Variants in ABCA13 observed in about 807,000 individuals in gnomAD.
ABCA13 encodes the protein ATP binding cassette subfamily A member 13.
Under a neutral mutation model 478.7 loss-of-function variants are expected in ABCA13, and 476 were observed. The ratio of observed to expected loss-of-function variants is 0.99; its 90% confidence interval spans 0.92 to 1.07. The LOEUF (loss-of-function observed/expected upper bound fraction) is 1.07, where lower values mean the gene tolerates loss of function less well. Among genes scored for constraint, ABCA13 ranks in the 50% least tolerant of loss-of-function variants. The pLI is 0.00. For missense variants in ABCA13, 6,060 were observed against 5,910.6 expected (o/e 1.03, Z -0.83); for synonymous variants, 2,252 against 2,158.9 (o/e 1.04, Z -1.20).
intron 45 of ABCA13, among the ~76,000 whole-genome samples, chr7:48,479,117 T>A (rs1391768139): frequency 6.6e-6 from 1 of 151,400 alleles, no homozygotes. Context: ...CCGGCTAATT[T>A]TTTTTTGTAT....
At chr7:48,546,030 A>G (rs1360398904) in intron 55 of ABCA13, among the ~76,000 whole-genome samples, 1 of 151,804 alleles carries the variant, frequency 6.6e-6, no homozygotes, top group Non-Finnish European at 1.5e-5. Context: ...TATTGAATAT[A>G]ATAAATGAGA....
intron 48 of ABCA13, among the ~76,000 whole-genome samples, chr7:48,502,597 C>T (rs902949890): frequency 1.3e-5 from 2 of 152,128 alleles, no homozygotes; most frequent in South Asian, 2.1e-4. Flanking sequence ...AAACCAGACA[C>T]GTGTGCTGAA....
chr7:48,241,737 C>G (rs1357379934), intron 10 of ABCA13, among the ~76,000 whole-genome samples: 1 of 152,210 alleles, frequency 6.6e-6, no homozygotes, highest in Admixed American at 6.5e-5. Context: ...AATTCTTGCT[C>G]TCTGTGTACC....
intron 59 of ABCA13, among the ~76,000 whole-genome samples, chr7:48,631,945 GT>G (rs891368862): frequency 1.3e-5 from 2 of 152,124 alleles, no homozygotes; most frequent in African/African-American, 4.8e-5. Context: ...AGGGAATTGA[GT>G]TCTTGATTTG....
intron 55 of ABCA13, among the ~76,000 whole-genome samples, chr7:48,534,824 A>G (rs1342661797): frequency 1.3e-5 from 2 of 152,048 alleles, no homozygotes; most frequent in African/African-American, 4.8e-5. Context: ...TGCGTGTTGC[A>G]TTTCTCTAAG....
chr7:48,440,694 G>C (rs576266237), intron 42 of ABCA13, among the ~76,000 whole-genome samples: 6 of 151,666 alleles, frequency 4.0e-5, no homozygotes, highest in African/African-American at 1.4e-4. Context: ...TTATGTTGAA[G>C]ATGTATTGCC....
At chr7:48,587,407 C>A in intron 57 of ABCA13, 119 bp downstream of exon 57, 2 of 1,169,522 alleles carry the variant, frequency 1.7e-6, no homozygotes, top group Non-Finnish European at 1.2e-6. Context: ...GTTCTACAAA[C>A]TAGTAAACTG....
chr7:48,357,939 C>T (rs966961855), intron 31 of ABCA13, among the ~76,000 whole-genome samples: 7 of 151,422 alleles, frequency 4.6e-5, no homozygotes, highest in South Asian at 2.1e-4. Flanking sequence ...GTCAGGAATT[C>T]GAGACCAGCC....
chr7:48,292,846 G>A (rs1401805472), intron 20 of ABCA13, among the ~76,000 whole-genome samples: 2 of 152,180 alleles, frequency 1.3e-5, no homozygotes, highest in African/African-American at 4.8e-5. Context: ...GAACCTCATG[G>A]AGGTAGGAGT....
intron 38 of ABCA13, among the ~76,000 whole-genome samples, chr7:48,397,913 G>T (rs75074602): frequency 1.8e-4 from 27 of 152,180 alleles, no homozygotes; most frequent in Admixed American, 9.2e-4. Context: ...TTTGTCCCCC[G>T]CTCAGCATTC....
chr7:48,445,846 T>C (rs1425919961), intron 42 of ABCA13, among the ~76,000 whole-genome samples: 1 of 152,170 alleles, frequency 6.6e-6, no homozygotes, highest in Non-Finnish European at 1.5e-5. Flanking sequence ...ATAGGTTTCT[T>C]GCCTGACTAA....
intron 48 of ABCA13, among the ~76,000 whole-genome samples, chr7:48,493,264 T>G (rs1830000218): frequency 6.6e-6 from 1 of 152,218 alleles, no homozygotes; most frequent in African/African-American, 2.4e-5. Flanking sequence ...TTAGGGTTAC[T>G]ATAGTACATT....
At chr7:48,280,538 A>G (rs1244998826) in intron 18 of ABCA13, among the ~76,000 whole-genome samples, 2 of 152,188 alleles carry the variant, frequency 1.3e-5, no homozygotes, top group East Asian at 3.9e-4. Flanking sequence ...CTTGATGTGC[A>G]GAGGCCCAGA....
intron 40 of ABCA13, 77 bp downstream of exon 40, chr7:48,410,754 A>C: frequency 6.5e-7 from 1 of 1,547,820 alleles, no homozygotes. Flanking sequence ...TGACAGTTAC[A>C]TAGTAATAAC....
At chr7:48,332,946 T>G (rs1805636799) in intron 27 of ABCA13, among the ~76,000 whole-genome samples, 1 of 152,230 alleles carries the variant, frequency 6.6e-6, no homozygotes, top group African/African-American at 2.4e-5. Flanking sequence ...ATTGAGTGTT[T>G]GCTAAGCTTC....
intron 4 of ABCA13, among the ~76,000 whole-genome samples, chr7:48,219,931 C>G (rs1047282317): frequency 4.5e-4 from 65 of 144,266 alleles, no homozygotes; most frequent in African/African-American, 1.6e-3. Flanking sequence ...CACACACACA[C>G]ACATTCCCAA....
At chr7:48,362,409 C>CTTTTTTTTTTTTTTTTTTTTTTCTTTTTT (rs35795708) in intron 31 of ABCA13, among the ~76,000 whole-genome samples, 1 of 86,010 alleles carries the variant, frequency 1.2e-5, no homozygotes. Flanking sequence ...TCCTCTTCTT[C>CTTTTTTTTTTTTTTTTTTTTTTCTTTTTT]TTTTTTTTTT....
chr7:48,572,590 A>G (rs1202457242), intron 55 of ABCA13, among the ~76,000 whole-genome samples: 1 of 152,298 alleles, frequency 6.6e-6, no homozygotes, highest in Non-Finnish European at 1.5e-5. Context: ...GAATTCATGG[A>G]TAAAGTTGAC....
At chr7:48,417,676 G>A (rs144138195) in intron 41 of ABCA13, among the ~76,000 whole-genome samples, 111 of 152,140 alleles carry the variant, frequency 7.3e-4, no homozygotes, top group Middle Eastern at 3.4e-3. Flanking sequence ...TTGATGAACC[G>A]ACATGGACAC....
Sources: gnomAD v4.1 joint callset for allele counts (sites outside exome capture counted in the v4.1 genomes callset) on GRCh38, gnomAD v4.1.1 for gene constraint, MANE v1.5 for transcripts, NCBI Gene and HGNC (gene_info 2026-07-23, HGNC 2026-07-21) for gene names.